Variants in SPMIP2 observed in about 807,000 individuals in gnomAD.
SPMIP2 encodes protein SPMIP2.
At chr4:159,070,820 A>G in the SPMIP2 span, among the ~76,000 whole-genome samples, 1 of 152,218 alleles carries the variant, frequency 6.6e-6, no homozygotes, top group African/African-American at 2.4e-5. Context: ...AACTTGTGTC[A>G]GAGAATATAT....
At chr4:159,010,205 T>C in the SPMIP2 span, among the ~76,000 whole-genome samples, 1 of 152,200 alleles carries the variant, frequency 6.6e-6, no homozygotes, top group Non-Finnish European at 1.5e-5. Flanking sequence ...TACACAGTAT[T>C]GGCAGAGATA....
chr4:158,990,882 C>A, the SPMIP2 span, among the ~76,000 whole-genome samples: 464 of 143,870 alleles, frequency 3.2e-3, no homozygotes, highest in African/African-American at 9.1e-3. Flanking sequence ...TAATAAAAAA[C>A]GTTTGCAGAT....
chr4:158,956,411 A>C, the SPMIP2 span, among the ~76,000 whole-genome samples: 1 of 152,188 alleles, frequency 6.6e-6, no homozygotes, highest in Admixed American at 6.5e-5. Context: ...GAAAATACAA[A>C]AATTAGCTGG....
At chr4:159,046,884 T>G in the SPMIP2 span, among the ~76,000 whole-genome samples, 1 of 152,238 alleles carries the variant, frequency 6.6e-6, no homozygotes, top group Non-Finnish European at 1.5e-5. Flanking sequence ...TTCAGCTGTT[T>G]ATAGTGCTGC....
the SPMIP2 span, among the ~76,000 whole-genome samples, chr4:158,985,324 C>A: frequency 7.0e-6 from 1 of 141,896 alleles, no homozygotes; most frequent in African/African-American, 2.6e-5. Flanking sequence ...GGCAGAGACA[C>A]AACCAAAAAA....
chr4:159,046,593 GAC>G, the SPMIP2 span, among the ~76,000 whole-genome samples: 1 of 152,080 alleles, frequency 6.6e-6, no homozygotes, highest in Non-Finnish European at 1.5e-5. Flanking sequence ...TTTTTACTGA[GAC>G]AGAGTCTTGC....
At chr4:158,901,283 C>G in the SPMIP2 span, among the ~76,000 whole-genome samples, 4 of 151,944 alleles carry the variant, frequency 2.6e-5, no homozygotes, top group Non-Finnish European at 1.5e-5. Context: ...CAGGCGTGTG[C>G]CACGAAAATT....
the SPMIP2 span, among the ~76,000 whole-genome samples, chr4:158,940,298 C>T: frequency 3.9e-5 from 6 of 152,132 alleles, no homozygotes; most frequent in Admixed American, 1.3e-4. Flanking sequence ...ACTTAATTAC[C>T]TCTTTAAAGG....
chr4:159,068,664 AAAAT>A, the SPMIP2 span, among the ~76,000 whole-genome samples: 52 of 151,658 alleles, frequency 3.4e-4, no homozygotes, highest in African/African-American at 8.7e-4. Context: ...GTATAATTAA[AAAAT>A]AAATAAATAA....
At chr4:158,913,696 C>T in the SPMIP2 span, among the ~76,000 whole-genome samples, 4 of 151,976 alleles carry the variant, frequency 2.6e-5, no homozygotes, top group Admixed American at 2.6e-4. Flanking sequence ...ATTTATTCCA[C>T]AGGGTCTGTG....
chr4:158,978,917 C>G, the SPMIP2 span, among the ~76,000 whole-genome samples: 1 of 152,160 alleles, frequency 6.6e-6, no homozygotes, highest in East Asian at 1.9e-4. Flanking sequence ...ATCCATTGCT[C>G]TCTTCAGAGC....
At chr4:158,958,954 T>C in the SPMIP2 span, among the ~76,000 whole-genome samples, 3 of 152,224 alleles carry the variant, frequency 2.0e-5, no homozygotes, top group Non-Finnish European at 4.4e-5. Flanking sequence ...GCTCTCAGTG[T>C]TTGCAAAGTA....
the SPMIP2 span, among the ~76,000 whole-genome samples, chr4:158,943,940 C>CCA: frequency 6.7e-6 from 1 of 148,862 alleles, no homozygotes; most frequent in South Asian, 2.1e-4. Context: ...ACCGCAACCT[C>CCA]CACCTCCTGG....
chr4:158,947,136 C>A, the SPMIP2 span, among the ~76,000 whole-genome samples: 1 of 152,106 alleles, frequency 6.6e-6, no homozygotes, highest in African/African-American at 2.4e-5. Context: ...AGAATGGGCA[C>A]TAATTATCTC....
the SPMIP2 span, among the ~76,000 whole-genome samples, chr4:158,938,765 T>C: frequency 6.6e-6 from 1 of 152,260 alleles, no homozygotes; most frequent in Non-Finnish European, 1.5e-5. Context: ...AGTTTGTCCA[T>C]GATGTAAAAA....
the SPMIP2 span, among the ~76,000 whole-genome samples, chr4:159,054,207 T>G: frequency 5.9e-5 from 9 of 152,258 alleles, no homozygotes; most frequent in South Asian, 1.9e-3. Flanking sequence ...GTTCTTGAAC[T>G]CCTGTCCTCA....
chr4:158,912,685 TA>T, the SPMIP2 span, among the ~76,000 whole-genome samples: 19 of 152,194 alleles, frequency 1.2e-4, no homozygotes, highest in African/African-American at 3.6e-4. Context: ...AGGATTCATG[TA>T]AAAGAGAGGG....
the SPMIP2 span, among the ~76,000 whole-genome samples, chr4:158,933,443 G>A: frequency 6.6e-6 from 1 of 152,092 alleles, no homozygotes; most frequent in Admixed American, 6.6e-5. Context: ...CTATTTAAAG[G>A]AAAAATTGCC....
the SPMIP2 span, among the ~76,000 whole-genome samples, chr4:158,980,479 C>T: frequency 6.6e-6 from 1 of 152,216 alleles, no homozygotes; most frequent in Non-Finnish European, 1.5e-5. Context: ...TGGCGGGTGC[C>T]CCTCTGGGAC....
Sources: gnomAD v4.1 joint callset for allele counts (sites outside exome capture counted in the v4.1 genomes callset) on GRCh38, gnomAD v4.1.1 for gene constraint, MANE v1.5 for transcripts, NCBI Gene and HGNC (gene_info 2026-07-23, HGNC 2026-07-21) for gene names.